ESR2: variants seen among roughly 807,000 people sequenced by gnomAD.
ESR2 encodes estrogen receptor beta.
In ESR2, 36 loss-of-function variants were observed where a neutral mutation model predicts 49.6. The ratio of observed to expected loss-of-function variants is 0.73; its 90% CI spans 0.56 to 0.96. The LOEUF (loss-of-function observed/expected upper bound fraction) is 0.96. Ranked by LOEUF, ESR2 falls within the 40% of genes least tolerant of loss-of-function variation. The probability of loss-of-function intolerance (pLI) is 0.00; values close to 1 mark genes in which losing one functional copy is unlikely to be tolerated. For missense variants in ESR2, 714 were observed against 693.0 expected (o/e 1.03, Z -0.34); for synonymous variants, 320 against 266.1 (o/e 1.20, Z -1.97).
upstream of ESR2, among the ~76,000 whole-genome samples, chr14:64,299,386 A>G (rs376646869): frequency 6.9e-4 from 103 of 149,328 alleles, 1 homozygote; most frequent in South Asian, 0.016. Context: ...AGTGATGCTC[A>G]TTACAGAAAT....
At chr14:64,241,258 T>C (rs1336218256) in intron 7 of ESR2, among the ~76,000 whole-genome samples, 1 of 152,180 alleles carries the variant, frequency 6.6e-6, no homozygotes, top group East Asian at 1.9e-4. Context: ...AAGATGGGTT[T>C]TTTGGGAAAT....
intron 1 of ESR2, among the ~76,000 whole-genome samples, chr14:64,290,457 C>A (rs928987924): frequency 6.6e-6 from 1 of 151,956 alleles, no homozygotes; most frequent in Non-Finnish European, 1.5e-5. Context: ...GGCTGGAATG[C>A]AGTGGCATGA....
intron 2 of ESR2, among the ~76,000 whole-genome samples, chr14:64,281,113 GAGAGAAAAAAGA>G (rs2076658187): frequency 6.6e-6 from 1 of 152,160 alleles, no homozygotes. Context: ...GAGAAAGGGA[GAGAGAAAAAAGA>G]AGAGAGAAGA....
At chr14:64,307,195 A>T (rs1247103022) in intron 1 of ESR2, among the ~76,000 whole-genome samples, 1 of 151,062 alleles carries the variant, frequency 6.6e-6, no homozygotes, top group Non-Finnish European at 1.5e-5. Context: ...TTATTAATTT[A>T]ATTTAATTTA....
intron 1 of ESR2, among the ~76,000 whole-genome samples, chr14:64,313,530 C>CAAAAAAA (rs60380584): frequency 9.3e-6 from 1 of 107,444 alleles, no homozygotes; most frequent in African/African-American, 3.5e-5. Flanking sequence ...GAGGCTCTGT[C>CAAAAAAA]AAAAAAAAAA....
At chr14:64,241,074 A>T (rs1443988333) in intron 7 of ESR2, among the ~76,000 whole-genome samples, 2 of 140,914 alleles carry the variant, frequency 1.4e-5, no homozygotes, top group Non-Finnish European at 3.0e-5. Context: ...TGAACCCTGG[A>T]GGCGGAGCTT....
intron 7 of ESR2, among the ~76,000 whole-genome samples, chr14:64,248,609 C>G (rs556741128): frequency 6.6e-6 from 1 of 151,512 alleles, no homozygotes; most frequent in Non-Finnish European, 1.5e-5. Flanking sequence ...TATTTTCTTC[C>G]TTGTATGTTT....
chr14:64,333,962 A>C (rs1000112252), intron 1 of ESR2, among the ~76,000 whole-genome samples: 1 of 152,116 alleles, frequency 6.6e-6, no homozygotes, highest in Non-Finnish European at 1.5e-5. Context: ...ATATATATTA[A>C]GGTCAAATCT....
Position 64,246,218 on chromosome 14 carries a change from A to G in ESR2, c.1225+3328T>C, listed in dbSNP as rs145656828. On this transcript the variant is annotated intron_variant, in intron 7 of 8. Transcript: ENST00000341099. ...TGTCCCCACCCAAATCTCATCTTGAATTGTAATCTCCATAATCCCCATGTG... is the reference window on the plus strand; with the variant it reads ...TGTCCCCACCCAAATCTCATCTTGAGTTGTAATCTCCATAATCCCCATGTG... Among the ~76,000 whole-genome samples the G allele has an allele frequency of 5.6e-3, 857 of 152,266 alleles. 11 individuals are homozygous for G. The highest frequency in any genetic ancestry group is 0.02 in the African/African-American group (819 of 41,548).
chr14:64,259,357 T>C (rs1237076769), intron 5 of ESR2, among the ~76,000 whole-genome samples: 1 of 152,196 alleles, frequency 6.6e-6, no homozygotes, highest in Non-Finnish European at 1.5e-5. Flanking sequence ...CCTCCTCATC[T>C]TTACAGCTTG....
intron 7 of ESR2, among the ~76,000 whole-genome samples, chr14:64,242,444 C>CAAAA (rs146972114): frequency 8.2e-6 from 1 of 121,476 alleles, no homozygotes; most frequent in African/African-American, 4.1e-5. Context: ...AACAAACAAA[C>CAAAA]AAAAAAAATA....
At chr14:64,241,170 A>G (rs12897137) in intron 7 of ESR2, among the ~76,000 whole-genome samples, 6 of 146,468 alleles carry the variant, frequency 4.1e-5, no homozygotes, top group Admixed American at 6.8e-5. Context: ...AAAAAAAAAA[A>G]GATAGGCTAG....
chr14:64,244,934 T>C (rs1395816644), intron 7 of ESR2, among the ~76,000 whole-genome samples: 3 of 152,202 alleles, frequency 2.0e-5, no homozygotes, highest in Admixed American at 6.5e-5. Context: ...AGGGCTCTCC[T>C]CGTTTGTGTC....
At chr14:64,264,191 A>G (rs2076276477) in intron 4 of ESR2, among the ~76,000 whole-genome samples, 1 of 152,216 alleles carries the variant, frequency 6.6e-6, no homozygotes, top group African/African-American at 2.4e-5. Context: ...ATGTTTATTC[A>G]CTAAATCAAT....
chr14:64,280,470 A>C (rs998126329), intron 2 of ESR2, among the ~76,000 whole-genome samples: 6 of 152,150 alleles, frequency 3.9e-5, no homozygotes, highest in Non-Finnish European at 8.8e-5. Flanking sequence ...CTCTAAGTGT[A>C]ATGAAAGGAG....
At chr14:64,246,430 A>G (rs72548759) in intron 7 of ESR2, among the ~76,000 whole-genome samples, 54 of 152,184 alleles carry the variant, frequency 3.5e-4, no homozygotes, top group African/African-American at 1.3e-3. Flanking sequence ...ACTTTCCGCC[A>G]TTATTGTAAG....
chr14:64,324,355 C>A (rs146589339), intron 1 of ESR2, among the ~76,000 whole-genome samples: 291 of 152,172 alleles, frequency 1.9e-3, no homozygotes, highest in African/African-American at 6.3e-3. Flanking sequence ...AAGCATAACT[C>A]TAAGGATTTT....
chr14:64,278,596 A>G (rs1430578249), intron 3 of ESR2, among the ~76,000 whole-genome samples: 1 of 152,228 alleles, frequency 6.6e-6, no homozygotes, highest in East Asian at 1.9e-4. Flanking sequence ...GAGCTTTCAG[A>G]TGGAAACATA....
chr14:64,228,073 G>A, downstream of ESR2: 1 of 1,367,694 alleles, frequency 7.3e-7, no homozygotes, highest in Non-Finnish European at 9.4e-7. Flanking sequence ...TCACAAGTGT[G>A]AGATTAGCTG....
Sources: allele counts gnomAD v4.1 joint callset (sites outside exome capture counted in the v4.1 genomes callset), GRCh38; gene constraint gnomAD v4.1.1; transcripts MANE v1.5; gene names NCBI Gene and HGNC (gene_info 2026-07-23, HGNC 2026-07-21).